Variants in CCDC148 observed in about 807,000 individuals in gnomAD.
CCDC148 encodes the protein coiled-coil domain containing 148, also known as coiled-coil domain-containing protein 148.
Under a neutral mutation model 85.7 loss-of-function variants are expected in CCDC148, and 89 were observed. The ratio of observed to expected loss-of-function variants is 1.04; its 90% CI spans 0.87 to 1.24. CCDC148 has a LOEUF of 1.24. Among genes scored for constraint, CCDC148 ranks in the 50% most tolerant of loss-of-function variants. CCDC148 has a pLI of 0.00. For missense variants in CCDC148, 692 were observed against 671.7 expected, an observed-to-expected ratio of 1.03 and a Z score of -0.33; for synonymous variants, 230 against 213.9, an observed-to-expected ratio of 1.08 and a Z score of -0.66.
At chr2:158,437,240 T>C (rs142846760) in intron 1 of CCDC148, among the ~76,000 whole-genome samples, 129,342 of 152,082 alleles carry the variant, frequency 0.85, 56,902 homozygotes, top group Non-Finnish European at 0.96. Context: ...AAAATACCGG[T>C]AAACCGAATC....
chr2:158,310,387 T>C (rs953742056), intron 8 of CCDC148, among the ~76,000 whole-genome samples: 1 of 152,384 alleles, frequency 6.6e-6, no homozygotes. Flanking sequence ...CCCTTTTCTA[T>C]GCGACAAAAC....
chr2:158,406,326 T>C (rs1410199216), intron 1 of CCDC148, among the ~76,000 whole-genome samples: 1 of 152,144 alleles, frequency 6.6e-6, no homozygotes, highest in African/African-American at 2.4e-5. Flanking sequence ...CACAGAGGGA[T>C]GGCAATGGAG....
At chr2:158,172,289 C>A in intron 13 of CCDC148, 30 bp from the exon 14 acceptor site, 5 of 1,475,522 alleles carry the variant, frequency 3.4e-6, no homozygotes, top group Non-Finnish European at 4.6e-6. Context: ...ATTTAAATAA[C>A]AATTCATTGA....
intron 11 of CCDC148, among the ~76,000 whole-genome samples, chr2:158,186,104 C>A (rs1049891251): frequency 6.6e-6 from 1 of 152,002 alleles, no homozygotes; most frequent in Non-Finnish European, 1.5e-5. Flanking sequence ...TTTTCTGGCT[C>A]CTCAGTGACA....
intron 1 of CCDC148, among the ~76,000 whole-genome samples, chr2:158,408,025 A>G (rs1025332242): frequency 6.6e-6 from 1 of 152,238 alleles, no homozygotes; most frequent in Non-Finnish European, 1.5e-5. Flanking sequence ...TATGGGTCCA[A>G]GTAAGTTTTT....
intron 1 of CCDC148, among the ~76,000 whole-genome samples, chr2:158,393,519 C>A (rs372738447): frequency 3.3e-5 from 5 of 152,108 alleles, no homozygotes; most frequent in East Asian, 1.9e-4. Flanking sequence ...GATGGGGCCA[C>A]AAGGGTGGGA....
intron 1 of CCDC148, among the ~76,000 whole-genome samples, chr2:158,367,743 GGAAATACTTCCT>G (rs1000320714): frequency 6.6e-6 from 1 of 152,088 alleles, no homozygotes; most frequent in African/African-American, 2.4e-5. Flanking sequence ...AAGACCAAGT[GGAAATACTTCCT>G]GACCTGCATA....
At chr2:158,251,872 G>A (rs921862976) in intron 9 of CCDC148, among the ~76,000 whole-genome samples, 1 of 151,756 alleles carries the variant, frequency 6.6e-6, no homozygotes, top group African/African-American at 2.4e-5. Flanking sequence ...AATGATATTG[G>A]TTATCTCTGA....
intron 9 of CCDC148, among the ~76,000 whole-genome samples, chr2:158,277,018 A>C (rs1014194790): frequency 3.3e-5 from 5 of 152,262 alleles, no homozygotes; most frequent in Non-Finnish European, 7.3e-5. Context: ...TGCAAATCAC[A>C]GAAGTTTAGA....
At chr2:158,394,679 CA>C (rs939617314) in intron 1 of CCDC148, among the ~76,000 whole-genome samples, 1 of 151,896 alleles carries the variant, frequency 6.6e-6, no homozygotes, top group Admixed American at 6.6e-5. Context: ...AAGGAAAGAC[CA>C]ACTAAAACTT....
chr2:158,373,404 T>C (rs953875811), intron 1 of CCDC148, among the ~76,000 whole-genome samples: 3 of 151,994 alleles, frequency 2.0e-5, no homozygotes, highest in Non-Finnish European at 2.9e-5. Context: ...TTTTCAGCAA[T>C]AGGAAACTGA....
intron 11 of CCDC148, among the ~76,000 whole-genome samples, chr2:158,193,052 C>T (rs1685495680): frequency 1.3e-5 from 2 of 151,976 alleles, no homozygotes; most frequent in Admixed American, 1.3e-4. Context: ...CCAGATTCCC[C>T]ATTATTTCAA....
At chr2:158,450,406 G>C (rs1349143496) in intron 1 of CCDC148, among the ~76,000 whole-genome samples, 1 of 152,188 alleles carries the variant, frequency 6.6e-6, no homozygotes, top group Non-Finnish European at 1.5e-5. Context: ...TTTCCAGCTG[G>C]AGATGATGGG....
chr2:158,261,900 T>G (rs1200313856), intron 9 of CCDC148, among the ~76,000 whole-genome samples: 2 of 152,102 alleles, frequency 1.3e-5, no homozygotes, highest in Non-Finnish European at 2.9e-5. Flanking sequence ...AAGAGAACCC[T>G]TAAACACTGT....
chr2:158,308,808 T>C (rs887282017), intron 9 of CCDC148, among the ~76,000 whole-genome samples: 1 of 152,210 alleles, frequency 6.6e-6, no homozygotes, highest in Non-Finnish European at 1.5e-5. Context: ...CTTACAGTTC[T>C]GCCACTAAAG....
intron 9 of CCDC148, among the ~76,000 whole-genome samples, chr2:158,302,203 G>A (rs942603705): frequency 6.6e-6 from 1 of 152,174 alleles, no homozygotes; most frequent in African/African-American, 2.4e-5. Flanking sequence ...GAAAGGCATA[G>A]GGTGGGGAGG....
At chr2:158,295,492 T>C (rs7580187) in intron 9 of CCDC148, among the ~76,000 whole-genome samples, 134,307 of 147,606 alleles carry the variant, frequency 0.91, 61,068 homozygotes, top group East Asian at 0.98. Flanking sequence ...ACTGGCAAAC[T>C]GAATCCAGCA....
intron 1 of CCDC148, among the ~76,000 whole-genome samples, chr2:158,382,260 A>G (rs535837150): frequency 1.3e-5 from 2 of 152,288 alleles, no homozygotes; most frequent in East Asian, 3.9e-4. Context: ...ATTTTGTTAT[A>G]GTAGCTAAAA....
At chr2:158,338,650 G>T in intron 7 of CCDC148, 76 bp downstream of exon 7, 2 of 989,198 alleles carry the variant, frequency 2.0e-6, no homozygotes, top group Non-Finnish European at 3.0e-6. Context: ...ACAGTAAGTT[G>T]GAAGTATAGT....
Sources: allele counts gnomAD v4.1 joint callset (sites outside exome capture counted in the v4.1 genomes callset), GRCh38; gene constraint gnomAD v4.1.1; transcripts MANE v1.5; gene names NCBI Gene and HGNC (gene_info 2026-07-23, HGNC 2026-07-21).